Variants in FAAH2 observed in about 807,000 individuals in gnomAD.
FAAH2 encodes the protein fatty-acid amide hydrolase 2.
Under a neutral mutation model 36.9 loss-of-function variants are expected in FAAH2, and 60 were observed. The ratio of observed to expected loss-of-function variants is 1.63; its 90% CI spans 1.32 to 2.02. FAAH2 has a LOEUF of 2.02. FAAH2 is among the 30% of genes most tolerant of loss of function. FAAH2 has a pLI of 0.00. For missense variants in FAAH2, 689 were observed against 397.5 expected, an observed-to-expected ratio of 1.73 and a Z score of -6.23; for synonymous variants, 214 against 143.8, an observed-to-expected ratio of 1.49 and a Z score of -3.49.
intron 3 of FAAH2, among the ~76,000 whole-genome samples, chrX:57,320,475 T>A (rs1158511214): frequency 8.9e-6 from 1 of 112,234 alleles, no homozygotes; most frequent in Non-Finnish European, 1.9e-5. Context: ...TGAGATACCA[T>A]CACATGCTAG....
At chrX:57,318,329 G>A (rs1420986759) in intron 3 of FAAH2, among the ~76,000 whole-genome samples, 3 of 111,591 alleles carry the variant, frequency 2.7e-5, no homozygotes, top group Non-Finnish European at 5.7e-5. Flanking sequence ...AATGGTAAAG[G>A]GGATATCACT....
At chrX:57,468,983 A>G (rs1490965080) in intron 10 of FAAH2, among the ~76,000 whole-genome samples, 1 of 111,763 alleles carries the variant, frequency 8.9e-6, no homozygotes, top group Non-Finnish European at 1.9e-5. Flanking sequence ...CCAGAATTTC[A>G]TATCCAGCCA....
chrX:57,478,623 G>C lies in FAAH2; in HGVS notation c.1424-10134G>C, dbSNP rs773232609. On this transcript the variant is annotated intron_variant, in intron 10 of 10. Coordinates refer to ENST00000374900, the MANE Select transcript of FAAH2 (RefSeq NM_174912.4). The stretch of plus-strand genomic sequence containing the variant: ...TTCTAGGGTTTTTATGGTTTTAGGT[G>C]TAACGTTTAAGTCTTTAATCCATCT... Among the ~76,000 whole-genome samples, 574 of 111,575 alleles carry C rather than the reference G, an allele frequency of 5.1e-3. 8 individuals are homozygous for C. Among genetic ancestry groups the C allele is most frequent in the African/African-American group, 0.018 (551 of 30,747 alleles).
chrX:57,189,496 A>C, the FAAH2 span, among the ~76,000 whole-genome samples: 1 of 109,599 alleles, frequency 9.1e-6, no homozygotes, highest in African/African-American at 3.3e-5. Flanking sequence ...GCATTTTGGC[A>C]CTGGTTTTTC....
At chrX:57,139,440 A>G in the FAAH2 span, among the ~76,000 whole-genome samples, 1 of 111,293 alleles carries the variant, frequency 9.0e-6, no homozygotes, top group Admixed American at 9.5e-5. Context: ...TGTTTTGGTT[A>G]CCACAGGTTT....
At chrX:57,396,199 T>A (rs1242034646) in intron 7 of FAAH2, among the ~76,000 whole-genome samples, 2 of 111,469 alleles carry the variant, frequency 1.8e-5, no homozygotes, top group Admixed American at 9.6e-5. Flanking sequence ...TCTGATTGTG[T>A]TTATTTGAGT....
At chrX:57,142,579 C>A in the FAAH2 span, among the ~76,000 whole-genome samples, 70 of 111,983 alleles carry the variant, frequency 6.3e-4, no homozygotes, top group Non-Finnish European at 1.2e-3. Context: ...GTGTATTCTG[C>A]TCCTTTTGGG....
chrX:57,391,515 A>T (rs1434781111), intron 7 of FAAH2, among the ~76,000 whole-genome samples: 1 of 110,886 alleles, frequency 9.0e-6, no homozygotes, highest in Non-Finnish European at 1.9e-5. Flanking sequence ...GTCCAGTTTC[A>T]TTATTCTGAA....
At chrX:57,159,465 C>T in the FAAH2 span, among the ~76,000 whole-genome samples, 1 of 111,363 alleles carries the variant, frequency 9.0e-6, no homozygotes, top group Non-Finnish European at 1.9e-5. Flanking sequence ...ATTCTTCCTA[C>T]CCATGAGCAT....
At chrX:57,125,561 A>G in the FAAH2 span, among the ~76,000 whole-genome samples, 1 of 111,849 alleles carries the variant, frequency 8.9e-6, no homozygotes. Context: ...TTGCCAGTAG[A>G]AAAACATCCA....
chrX:57,318,680 C>A (rs1055251886), intron 3 of FAAH2, among the ~76,000 whole-genome samples: 2 of 111,696 alleles, frequency 1.8e-5, no homozygotes, highest in African/African-American at 3.3e-5. Context: ...ATGGGGCCAG[C>A]ATCGTCCTGA....
chrX:57,438,056 C>CGTATATATGTATATACATACATACACGT (rs1267330001), intron 8 of FAAH2, among the ~76,000 whole-genome samples: 6 of 102,353 alleles, frequency 5.9e-5, no homozygotes, highest in East Asian at 3.1e-4. Flanking sequence ...CACATATATA[C>CGTATATATGTATATACATACATACACGT]GTATATATGT....
intron 7 of FAAH2, among the ~76,000 whole-genome samples, chrX:57,424,951 CAA>C (rs1347046504): frequency 9.2e-6 from 1 of 109,272 alleles, no homozygotes; most frequent in African/African-American, 3.3e-5. Flanking sequence ...TCAATGAAAT[CAA>C]AGAGAAAGCT....
chrX:57,455,892 C>A lies in FAAH2; in HGVS notation c.1423+7174C>A, dbSNP rs2056857068. Among the ~76,000 whole-genome samples the A allele has an allele frequency of 4.5e-5, 5 of 111,926 alleles. No homozygotes were observed. The South Asian group carries it at 1.8e-3, about 41-fold the overall frequency. On this transcript the variant is annotated intron_variant, in intron 10 of 10. Coordinates refer to ENST00000374900, the MANE Select transcript of FAAH2 (RefSeq NM_174912.4). ...ATCCCACTCACTGAGTTAGACAGAT[C>A]ACTGAGGCAGAAAACTAACAAAGAA...
chrX:57,379,783 C>T (rs1296556879), intron 6 of FAAH2, among the ~76,000 whole-genome samples: 2 of 103,572 alleles, frequency 1.9e-5, no homozygotes, highest in Non-Finnish European at 2.0e-5. Flanking sequence ...TGGTTTTTAC[C>T]ACCAAAATTA....
intron 10 of FAAH2, among the ~76,000 whole-genome samples, chrX:57,469,154 G>A (rs1569366103): frequency 8.9e-6 from 1 of 112,011 alleles, no homozygotes; most frequent in Non-Finnish European, 1.9e-5. Context: ...ATGCCAAATT[G>A]TAAAGACCTT....
intron 8 of FAAH2, among the ~76,000 whole-genome samples, chrX:57,445,315 A>T (rs908605073): frequency 1.8e-5 from 2 of 111,502 alleles, no homozygotes; most frequent in African/African-American, 6.5e-5. Context: ...AGGTAAAGTA[A>T]GTCACTCTCT....
chrX:57,309,292 G>A (rs573229041), intron 2 of FAAH2, among the ~76,000 whole-genome samples: 23 of 111,516 alleles, frequency 2.1e-4, no homozygotes, highest in South Asian at 3.7e-4. Flanking sequence ...TATAATCATA[G>A]CACCAAAAGA....
chrX:57,271,016 G>A, the FAAH2 span, among the ~76,000 whole-genome samples: 1 of 112,143 alleles, frequency 8.9e-6, no homozygotes, highest in Non-Finnish European at 1.9e-5. Flanking sequence ...CTGAAGCCAG[G>A]GAGCAAAGTG....
Sources: gnomAD v4.1 joint callset for allele counts (sites outside exome capture counted in the v4.1 genomes callset) on GRCh38, gnomAD v4.1.1 for gene constraint, MANE v1.5 for transcripts, NCBI Gene and HGNC (gene_info 2026-07-23, HGNC 2026-07-21) for gene names.